The following TUSC3 variants were observed in gnomAD, a reference collection of about 807,000 sequenced individuals.
TUSC3 encodes the protein dolichyl-diphosphooligosaccharide--protein glycosyltransferase subunit TUSC3.
TUSC3 carries 45 observed loss-of-function variants against 44.8 expected under a neutral mutation model. The ratio of observed to expected loss-of-function variants is 1.00; its 90% CI spans 0.79 to 1.29. The LOEUF (loss-of-function observed/expected upper bound fraction) is 1.29, where lower values mean the gene tolerates loss of function less well. Ranked by LOEUF, TUSC3 falls within the 50% of genes most tolerant of loss-of-function variation. The probability of loss-of-function intolerance (pLI) is 0.00; values close to 1 mark genes in which losing one functional copy is unlikely to be tolerated. For synonymous variants in TUSC3, 212 were observed against 152.9 expected (o/e 1.39, Z -2.85); for missense variants, 519 against 437.9 (o/e 1.19, Z -1.65).
At chr8:15,556,367 T>C (rs1802265874) in intron 1 of TUSC3, among the ~76,000 whole-genome samples, 1 of 150,860 alleles carries the variant, frequency 6.6e-6, no homozygotes, top group African/African-American at 2.4e-5. Context: ...TATTCCATGG[T>C]GTATATGTGC....
rs968402543 is a variant in TUSC3, at chr8:15,764,492, G to A, written c.*336G>A. 9 of 375,006 alleles carry A rather than the reference G, an allele frequency of 2.4e-5. No individual in the cohort carries two copies. Among genetic ancestry groups the A allele is most frequent in the African/African-American group, 1.9e-4 (9 of 48,096 alleles). The allele number at this position is 375,006 out of a possible 1,614,324, so 23.2% of individuals were successfully genotyped here. On this transcript the variant is annotated 3_prime_UTR_variant, in exon 11 of 11. Coordinates refer to ENST00000503731, the MANE Select transcript of TUSC3 (RefSeq NM_006765.4). ...AATGACAATGTAATTATGAATTCATGTTTTAGAGCTGTTTACTCATTAGTA... is the reference window on the plus strand; with the variant it reads ...AATGACAATGTAATTATGAATTCATATTTTAGAGCTGTTTACTCATTAGTA...
At chr8:15,538,126 G>A (rs1002556889), upstream of TUSC3, among the ~76,000 whole-genome samples, 1 of 152,140 alleles carries the variant, frequency 6.6e-6, no homozygotes, top group Admixed American at 6.5e-5. Flanking sequence ...ATACAACTAG[G>A]GACCTCCCAT....
At chr8:15,503,610 G>T (rs7835216) in intron 2 of TUSC3, among the ~76,000 whole-genome samples, 4,445 of 152,146 alleles carry the variant, frequency 0.029, 129 homozygotes, top group Middle Eastern at 0.079. Flanking sequence ...AGGCTAAGAA[G>T]GGGGGATTGC....
chr8:15,531,926 T>A (rs948029709), intron 2 of TUSC3, among the ~76,000 whole-genome samples: 2 of 152,192 alleles, frequency 1.3e-5, no homozygotes, highest in Non-Finnish European at 2.9e-5. Flanking sequence ...AAAGAAACTG[T>A]CATGAAATTG....
chr8:15,821,964 A>G, the TUSC3 span, among the ~76,000 whole-genome samples: 2 of 152,170 alleles, frequency 1.3e-5, no homozygotes, highest in Non-Finnish European at 2.9e-5. Flanking sequence ...GCCGTTGCAC[A>G]TCTCCAGGTA....
At chr8:15,582,303 C>T (rs1224962673) in intron 1 of TUSC3, among the ~76,000 whole-genome samples, 1 of 152,186 alleles carries the variant, frequency 6.6e-6, no homozygotes, top group Non-Finnish European at 1.5e-5. Flanking sequence ...TAGACCGGAG[C>T]TGTTCCTGTT....
intron 1 of TUSC3, among the ~76,000 whole-genome samples, chr8:15,576,172 T>G (rs2129144856): frequency 6.6e-6 from 1 of 151,554 alleles, no homozygotes; most frequent in Non-Finnish European, 1.5e-5. Context: ...TGCTTGTTTA[T>G]GAGAGACTGA....
chr8:15,774,557 G>C, the TUSC3 span, among the ~76,000 whole-genome samples: 3 of 152,078 alleles, frequency 2.0e-5, no homozygotes, highest in African/African-American at 7.2e-5. Context: ...CCAAGACCTT[G>C]ATTTTTTACT....
intron 2 of TUSC3, among the ~76,000 whole-genome samples, chr8:15,530,422 T>C (rs1314616271): frequency 1.3e-5 from 2 of 152,194 alleles, no homozygotes; most frequent in Non-Finnish European, 2.9e-5. Context: ...GTATTTATAA[T>C]GTGTTAGATG....
At chr8:15,637,577 T>G (rs980147856) in intron 2 of TUSC3, among the ~76,000 whole-genome samples, 4 of 152,236 alleles carry the variant, frequency 2.6e-5, no homozygotes, top group African/African-American at 9.6e-5. Flanking sequence ...TTTTATCAGT[T>G]GAAGAATTTT....
intron 1 of TUSC3, among the ~76,000 whole-genome samples, chr8:15,436,273 A>G (rs1468035391): frequency 6.6e-6 from 1 of 152,204 alleles, no homozygotes; most frequent in African/African-American, 2.4e-5. Flanking sequence ...TTTGACGGTT[A>G]TCAAAAGGAA....
the TUSC3 span, among the ~76,000 whole-genome samples, chr8:15,778,136 A>G: frequency 6.6e-6 from 1 of 151,364 alleles, no homozygotes; most frequent in Non-Finnish European, 1.5e-5. Flanking sequence ...ACAAACCACC[A>G]CCGGCTAATA....
chr8:15,605,024 G>A (rs1007908865), intron 1 of TUSC3, among the ~76,000 whole-genome samples: 5 of 151,786 alleles, frequency 3.3e-5, no homozygotes, highest in African/African-American at 1.2e-4. Flanking sequence ...GATACTCCAG[G>A]CCATTTTTAC....
the TUSC3 span, among the ~76,000 whole-genome samples, chr8:15,781,808 C>T: frequency 6.6e-6 from 1 of 152,112 alleles, no homozygotes; most frequent in African/African-American, 2.4e-5. Context: ...CAGAATCACT[C>T]TGATACCAAA....
At chr8:15,640,072 C>T (rs1806295342) in intron 2 of TUSC3, among the ~76,000 whole-genome samples, 1 of 152,142 alleles carries the variant, frequency 6.6e-6, no homozygotes, top group Non-Finnish European at 1.5e-5. Context: ...TCCACCATTA[C>T]TTAGCTGAGA....
At chr8:15,641,210 A>G (rs1042291339) in intron 2 of TUSC3, among the ~76,000 whole-genome samples, 1 of 151,452 alleles carries the variant, frequency 6.6e-6, no homozygotes, top group Non-Finnish European at 1.5e-5. Context: ...AAATAGAGAA[A>G]ATTAGCTGGG....
chr8:15,608,418 C>T (rs1804623004), intron 1 of TUSC3, among the ~76,000 whole-genome samples: 1 of 152,076 alleles, frequency 6.6e-6, no homozygotes, highest in Non-Finnish European at 1.5e-5. Flanking sequence ...CATCCTAGGG[C>T]TAGGGGTGAG....
chr8:15,688,096 T>C (rs545187129), intron 6 of TUSC3, among the ~76,000 whole-genome samples: 3 of 152,280 alleles, frequency 2.0e-5, no homozygotes, highest in Non-Finnish European at 4.4e-5. Flanking sequence ...CTTTAATTTT[T>C]TTCCTATTAG....
intron 1 of TUSC3, among the ~76,000 whole-genome samples, chr8:15,439,450 A>G (rs548520837): frequency 3.3e-5 from 5 of 152,178 alleles, no homozygotes; most frequent in Non-Finnish European, 7.4e-5. Context: ...CCAGCTACTC[A>G]GGAGGCTGAG....
Sources: allele counts gnomAD v4.1 joint callset (sites outside exome capture counted in the v4.1 genomes callset), GRCh38; gene constraint gnomAD v4.1.1; transcripts MANE v1.5; gene names NCBI Gene and HGNC (gene_info 2026-07-23, HGNC 2026-07-21).